The following LSP1 variants were observed in gnomAD, a reference collection of about 807,000 sequenced individuals.
LSP1 encodes lymphocyte specific protein 1.
LSP1 carries 32 observed loss-of-function variants against 49.3 expected under a neutral mutation model. That is an observed-to-expected ratio of 0.65 (90% confidence interval 0.49 to 0.87). LSP1 has a LOEUF of 0.87. Among genes scored for constraint, LSP1 ranks in the 40% least tolerant of loss-of-function variants. The pLI is 0.00. For missense variants in LSP1, 428 were observed against 442.6 expected, an observed-to-expected ratio of 0.97 and a Z score of 0.30; for synonymous variants, 179 against 178.8, an observed-to-expected ratio of 1.00 and a Z score of -0.01.
In LSP1 at chr11:1,886,879, C is replaced by G; in HGVS notation, c.852+13C>G. On this transcript the variant is annotated intron_variant, in intron 8 of 10. Transcript: ENST00000311604. Reference sequence around the variant, plus strand: ...TCCGTCCTGCAAGGTAAGGTCCCCTCCAGGGGCAAGGCTGGGCTGCAGAGC... The same window carrying G: ...TCCGTCCTGCAAGGTAAGGTCCCCTGCAGGGGCAAGGCTGGGCTGCAGAGC... The G allele has an allele frequency of 6.2e-7, 1 of 1,608,554 alleles. No individual in the cohort carries two copies.
Position 1,884,523 on chromosome 11 carries a change from C to G in LSP1, c.659C>G (p.Pro220Arg). 1 of 1,613,938 alleles carries G rather than the reference C, an allele frequency of 6.2e-7. No homozygotes were observed. Among genetic ancestry groups the G allele is most frequent in the East Asian group, 2.2e-5 (1 of 44,878 alleles). Residue 220 changes from proline (P) to arginine (R), a missense_variant, in exon 7 of 11, where the codon CCA (proline) becomes CGA (arginine). Transcript: ENST00000311604. The surrounding 1 kb of genome is among the most constrained non-coding windows in gnomAD (Gnocchi z 4.1). ...EKSNSVKKSQPDLPISKIDQW... is the reference protein window; with the variant it reads ...EKSNSVKKSQRDLPISKIDQW... ...AGTAACAGTGTGAAGAAATCCCAGC[C>G]AGACTTGCCCATCTCCAAGATTGAT...
At chr11:1,868,485 G>T (rs1285197085) in intron 1 of LSP1, among the ~76,000 whole-genome samples, 2 of 152,232 alleles carry the variant, frequency 1.3e-5, no homozygotes, top group Non-Finnish European at 2.9e-5. Flanking sequence ...ACCCTGAGCA[G>T]CCTGGTCCAG....
chr11:1,873,060 G>C (rs1033374746), intron 1 of LSP1, among the ~76,000 whole-genome samples: 1 of 151,998 alleles, frequency 6.6e-6, no homozygotes, highest in Non-Finnish European at 1.5e-5. Context: ...CCTCTCCCCA[G>C]AGGTGGAGGC....
intron 1 of LSP1, among the ~76,000 whole-genome samples, chr11:1,878,960 T>C (rs1848425616): frequency 6.6e-6 from 1 of 151,746 alleles, no homozygotes; most frequent in Non-Finnish European, 1.5e-5. Context: ...CCTACCTCTG[T>C]CCCTGAGGGG....
At chr11:1,854,944 G>C (rs529544584) in intron 1 of LSP1, among the ~76,000 whole-genome samples, 9 of 152,270 alleles carry the variant, frequency 5.9e-5, no homozygotes, top group East Asian at 1.9e-4. Context: ...GAGCGGGGAG[G>C]GGGGGTTGGA....
intron 1 of LSP1, among the ~76,000 whole-genome samples, chr11:1,857,513 G>T (rs1847518996): frequency 6.6e-6 from 1 of 152,234 alleles, no homozygotes; most frequent in Non-Finnish European, 1.5e-5. Flanking sequence ...TCCTCAGCCT[G>T]GTGAGGGGTG....
At position 1,880,173 on chromosome 11, in the gene LSP1, A is replaced by G; in HGVS notation, c.140A>G (p.Gln47Arg). Residue 47 changes from glutamine to arginine, a missense_variant, in exon 2 of 11, where the codon CAG becomes CGG. Transcript: ENST00000311604. ...GAGAGAGACAGGCAGCTTCAGGCCC[A>G]GGACGAGGAGGGAGGCGGCCATGTC... ...QHERDRQLQA[Q>R]DEEGGGHVPE... The G allele has an allele frequency of 1.2e-6, 2 of 1,604,832 alleles. No homozygotes were observed. The highest frequency in any genetic ancestry group is 1.7e-6 in the Non-Finnish European group (2 of 1,174,974).
rs546868028 is a variant in LSP1 at position 1,871,329 on chromosome 11, G to A, written c.54-8758G>A. ...CCTCCGACCCAGGCTGGTCGCCGCA[G>A]ATGGGGGCAGAGATGTGAAACAGCT... On this transcript the variant is annotated intron_variant, in intron 1 of 10. Coordinates refer to ENST00000311604, the MANE Select transcript of LSP1 (RefSeq NM_002339.3). The A allele has an allele frequency of 8.9e-4, 879 of 986,242 alleles. 1 individual carries two copies. Among genetic ancestry groups the A allele is most frequent in the Non-Finnish European group, 1.0e-3 (851 of 830,218 alleles). 61.1% of individuals were successfully genotyped at this position (986,242 alleles called of 1,614,324 possible).
At chr11:1,870,275 C>A (rs1589814230) in intron 1 of LSP1, 1 of 1,303,160 alleles carries the variant, frequency 7.7e-7, no homozygotes, top group East Asian at 5.6e-5. Flanking sequence ...AAAGCTGAGG[C>A]TCAGGGAGGC....
chr11:1,858,173 C>T (rs975193430), intron 1 of LSP1, among the ~76,000 whole-genome samples: 1 of 152,220 alleles, frequency 6.6e-6, no homozygotes, highest in Non-Finnish European at 1.5e-5. Flanking sequence ...AGTGCATTGT[C>T]CAAGGGCTGC....
intron 1 of LSP1, chr11:1,865,338 C>A: frequency 1.5e-6 from 1 of 661,354 alleles, no homozygotes; most frequent in Non-Finnish European, 1.9e-6. Context: ...TGCACCGGGC[C>A]ACTGGGCCTC....
At chr11:1,863,515 T>G (rs1356516608) in intron 1 of LSP1, 1 of 152,196 alleles carries the variant, frequency 6.6e-6, no homozygotes, top group Non-Finnish European at 1.5e-5. Flanking sequence ...TGGCTGGACC[T>G]TGGTTTCTCC....
intron 1 of LSP1, chr11:1,870,336 CG>C: frequency 7.8e-7 from 1 of 1,287,718 alleles, no homozygotes; most frequent in Non-Finnish European, 1.0e-6. Context: ...CCGCAGCACC[CG>C]GGGACATACA....
intron 1 of LSP1, among the ~76,000 whole-genome samples, chr11:1,853,610 G>A (rs1430518121): frequency 2.0e-5 from 3 of 152,190 alleles, no homozygotes; most frequent in Admixed American, 1.3e-4. Flanking sequence ...GAACTGGCCC[G>A]GGCCTGGCCA....
chr11:1,860,214 G>A (rs1427271657), intron 1 of LSP1, among the ~76,000 whole-genome samples: 1 of 152,194 alleles, frequency 6.6e-6, no homozygotes, highest in Admixed American at 6.5e-5. Flanking sequence ...ATGGAAAGAT[G>A]AATGAAGAAT....
At chr11:1,861,587 T>TTGGA (rs994155042) in intron 1 of LSP1, among the ~76,000 whole-genome samples, 1 of 141,996 alleles carries the variant, frequency 7.0e-6, no homozygotes, top group Non-Finnish European at 1.5e-5. Flanking sequence ...AGATGAATGG[T>TTGGA]TGGATGGATG....
intron 1 of LSP1, among the ~76,000 whole-genome samples, chr11:1,854,852 G>C (rs1847448465): frequency 6.6e-6 from 1 of 152,188 alleles, no homozygotes; most frequent in Non-Finnish European, 1.5e-5. Flanking sequence ...CTCTGGGCTG[G>C]GGCACCCCCG....
chr11:1,877,785 G>A (rs1338677567), intron 1 of LSP1, among the ~76,000 whole-genome samples: 4 of 152,198 alleles, frequency 2.6e-5, no homozygotes, highest in East Asian at 1.9e-4. Flanking sequence ...CGTGGAGAAC[G>A]TGTGTGAGTT....
At chr11:1,887,409 G>GT (rs1365575563) in intron 9 of LSP1, 65 bp from the exon 10 acceptor site, 3 of 1,574,474 alleles carry the variant, frequency 1.9e-6, no homozygotes, top group Non-Finnish European at 2.6e-6. Flanking sequence ...GCTTCCCAGA[G>GT]GCGGAGGCAG....
Sources: gnomAD v4.1 joint callset for allele counts (sites outside exome capture counted in the v4.1 genomes callset) on GRCh38, gnomAD v4.1.1 for gene constraint, Gnocchi (gnomAD v3.1) non-coding constraint, MANE v1.5 for transcripts, NCBI Gene and HGNC (gene_info 2026-07-23, HGNC 2026-07-21) for gene names.